Variants in RANBP17 observed in about 807,000 individuals in gnomAD.
RANBP17 encodes the protein RAN binding protein 17, also known as ran-binding protein 17.
Under a neutral mutation model 141.2 loss-of-function variants are expected in RANBP17, and 158 were observed. The observed-to-expected ratio is 1.12, with a 90% CI of 0.98 to 1.28. RANBP17 has a LOEUF of 1.28. Ranked by LOEUF, RANBP17 falls within the 50% of genes most tolerant of loss-of-function variation. The pLI is 0.00. For synonymous variants in RANBP17, 430 were observed against 450.0 expected, an observed-to-expected ratio of 0.96 and a Z score of 0.56; for missense variants, 1,438 against 1,290.7, an observed-to-expected ratio of 1.11 and a Z score of -1.75.
At chr5:171,283,026 C>T (rs1767947195) in intron 25 of RANBP17, among the ~76,000 whole-genome samples, 1 of 152,108 alleles carries the variant, frequency 6.6e-6, no homozygotes, top group South Asian at 2.1e-4. Flanking sequence ...CCCCCAGACT[C>T]CTCTCCAAAC....
intron 14 of RANBP17, among the ~76,000 whole-genome samples, chr5:171,137,384 T>G (rs1224744921): frequency 6.6e-6 from 1 of 152,064 alleles, no homozygotes; most frequent in Admixed American, 6.6e-5. Context: ...GTAAATAGAT[T>G]TAGATTTGAA....
intron 14 of RANBP17, among the ~76,000 whole-genome samples, chr5:171,035,560 GT>G (rs534241384): frequency 9.2e-4 from 127 of 138,678 alleles, no homozygotes; most frequent in South Asian, 5.3e-3. Context: ...GTTTTTTAGG[GT>G]TTTTTTTTTT....
chr5:171,274,149 T>TGTGCGCGC lies in RANBP17; in HGVS notation c.2943+8303_2943+8304insTGCGCGCG, dbSNP rs34291143. On this transcript the variant is annotated intron_variant, in intron 25 of 27. Transcript: ENST00000523189. ...GTGTGTGTGTGTGTGTGTGTGTGTGTGCGCGCGCGCGCGCGTGCGCAAAAT... is the reference window on the plus strand; with the variant it reads ...GTGTGTGTGTGTGTGTGTGTGTGTGTGTGCGCGCGCGCGCGCGCGCGCGTGCGCAAAAT... 8.8e-4 allele frequency among the ~76,000 whole-genome samples: 112 copies of TGTGCGCGC among 126,788 alleles called. 2 individuals carry two copies. Among genetic ancestry groups the TGTGCGCGC allele is most frequent in the Admixed American group, 4.7e-4 (6 of 12,812 alleles). The allele number at this position is 126,788 out of a possible 152,430, so 83.2% of individuals were successfully genotyped here.
chr5:171,037,649 A>C (rs553124646), intron 14 of RANBP17, among the ~76,000 whole-genome samples: 1 of 152,258 alleles, frequency 6.6e-6, no homozygotes, highest in African/African-American at 2.4e-5. Context: ...CTAGCCAACT[A>C]TCCCAGAACC....
chr5:171,256,379 A>T (rs1412646530), intron 24 of RANBP17, among the ~76,000 whole-genome samples: 1 of 152,232 alleles, frequency 6.6e-6, no homozygotes, highest in Admixed American at 6.5e-5. Flanking sequence ...CTATATAGAT[A>T]CAAAATAATA....
At chr5:171,296,274 A>G (rs1768812005) in intron 27 of RANBP17, among the ~76,000 whole-genome samples, 1 of 152,180 alleles carries the variant, frequency 6.6e-6, no homozygotes, top group South Asian at 2.1e-4. Context: ...ATTCAACAGG[A>G]GAGATATGAA....
At chr5:170,892,629 G>T (rs1769747102) in intron 4 of RANBP17, 76 bp downstream of exon 4, 1 of 1,138,820 alleles carries the variant, frequency 8.8e-7, no homozygotes, top group Non-Finnish European at 1.2e-6. Context: ...TTCTTAAAGC[G>T]ATATAGTTTG....
chr5:170,988,224 C>T (rs771164841), intron 14 of RANBP17, among the ~76,000 whole-genome samples: 1 of 151,082 alleles, frequency 6.6e-6, no homozygotes, highest in Non-Finnish European at 1.5e-5. Context: ...TAAAACTCCA[C>T]GTGCATTCTG....
intron 14 of RANBP17, among the ~76,000 whole-genome samples, chr5:171,039,245 G>GTTTTTTTTTTTTTTTTTTTTTTT (rs57258448): frequency 1.6e-5 from 2 of 125,428 alleles, no homozygotes; most frequent in African/African-American, 3.0e-5. Context: ...TCTGTTGTTG[G>GTTTTTTTTTTTTTTTTTTTTTTT]TTTTTTTTTT....
intron 3 of RANBP17, among the ~76,000 whole-genome samples, chr5:170,883,066 C>T (rs954933891): frequency 9.9e-5 from 15 of 152,116 alleles, no homozygotes; most frequent in African/African-American, 3.6e-4. Flanking sequence ...ACCTTGTTTT[C>T]CTCTATATTG....
chr5:170,945,155 G>A (rs756985403), intron 12 of RANBP17, among the ~76,000 whole-genome samples: 5 of 152,008 alleles, frequency 3.3e-5, no homozygotes, highest in East Asian at 3.9e-4. Flanking sequence ...TTCCTGGTTG[G>A]AGGGTGTTTG....
In RANBP17 at chr5:171,274,111, A is replaced by AGTGTGT. The variant is rs372324815; in HGVS notation, c.2943+8298_2943+8303dup. Among the ~76,000 whole-genome samples the AGTGTGT allele has an allele frequency of 8.5e-3, 1,219 of 143,126 alleles. 10 individuals carry two copies. Among genetic ancestry groups the AGTGTGT allele is most frequent in the East Asian group, 0.026 (120 of 4,626 alleles). The allele number at this position is 143,126 out of a possible 152,430, so 93.9% of individuals were successfully genotyped here. The stretch of plus-strand genomic sequence containing the variant: ...ATAAAAATAAAGTTTAGTTTGATCA[A>AGTGTGT]GTGTGTGTGTGTGTGTGTGTGTGTG... On this transcript the variant is annotated intron_variant, in intron 25 of 27. Coordinates refer to ENST00000523189, the MANE Select transcript of RANBP17 (RefSeq NM_022897.5).
intron 4 of RANBP17, among the ~76,000 whole-genome samples, chr5:170,895,282 G>T (rs1271226480): frequency 6.6e-6 from 1 of 152,152 alleles, no homozygotes; most frequent in Non-Finnish European, 1.5e-5. Context: ...TCTATCTTCT[G>T]TGTCAGTTTT....
At chr5:170,932,768 C>T (rs551080407) in intron 12 of RANBP17, among the ~76,000 whole-genome samples, 4 of 152,204 alleles carry the variant, frequency 2.6e-5, no homozygotes, top group Non-Finnish European at 4.4e-5. Context: ...CCAACTTGAT[C>T]GTGGTGGATA....
Position 171,274,157 on chromosome 5 carries a change from CGCGCGCGT to C in RANBP17, c.2943+8315_2943+8322del, listed in dbSNP as rs778681445. On this transcript the variant is annotated intron_variant, in intron 25 of 27. Coordinates refer to ENST00000523189, the MANE Select transcript of RANBP17 (RefSeq NM_022897.5). ...GTGTGTGTGTGTGTGTGTGCGCGCG[CGCGCGCGT>C]GCGCAAAATCTAACTACTGAGGATC... 6.1e-3 allele frequency among the ~76,000 whole-genome samples: 905 copies of C among 148,312 alleles called. 13 individuals are homozygous for C. Among genetic ancestry groups the C allele is most frequent in the Admixed American group, 0.029 (429 of 14,806 alleles).
chr5:171,005,725 A>G (rs1342737995), intron 14 of RANBP17, among the ~76,000 whole-genome samples: 1 of 152,232 alleles, frequency 6.6e-6, no homozygotes, highest in Non-Finnish European at 1.5e-5. Context: ...AATGGCAACA[A>G]AAGCCAGAAT....
Position 171,265,847 on chromosome 5 carries a change from G to A in RANBP17, c.2943G>A (p.Gln981=), listed in dbSNP as rs949028738. The A allele has an allele frequency of 6.2e-7, 1 of 1,611,180 alleles. No homozygotes were observed. The highest frequency in any genetic ancestry group is 8.5e-7 in the Non-Finnish European group (1 of 1,178,742). The stretch of plus-strand genomic sequence containing the variant: ...AGCAAAACCCAGATGTCCTGCAGCA[G>A]GTAACTGGTGGTTGATCACCTGGCT... The part of the protein sequence containing the change: ...FMQQNPDVLQ[Q]MMSVLMNTIV... Residue 981 remains glutamine (Q), a splice_region_variant and synonymous_variant, in exon 25 of 28, where the codon CAG becomes CAA. Transcript: ENST00000523189.
chr5:170,919,710 C>T, intron 11 of RANBP17, 97 bp downstream of exon 11: 2 of 890,046 alleles, frequency 2.2e-6, no homozygotes, highest in South Asian at 1.9e-5. Context: ...TTTTAGCGTA[C>T]AGTTGTATGA....
chr5:171,208,192 C>G (rs978026412), intron 20 of RANBP17, among the ~76,000 whole-genome samples: 6 of 152,106 alleles, frequency 3.9e-5, no homozygotes, highest in African/African-American at 1.2e-4. Flanking sequence ...TTATTTATGG[C>G]GATTATTTGA....
Sources: allele counts gnomAD v4.1 joint callset (sites outside exome capture counted in the v4.1 genomes callset), GRCh38; gene constraint gnomAD v4.1.1; transcripts MANE v1.5; gene names NCBI Gene and HGNC (gene_info 2026-07-23, HGNC 2026-07-21).